The following VWA3A variants were observed in gnomAD, a reference collection of about 807,000 sequenced individuals.
The protein encoded by VWA3A is von Willebrand factor A domain containing 3A.
A neutral mutation model predicts 160.4 loss-of-function variants in VWA3A; 134 were observed. That is an observed-to-expected ratio of 0.84 (90% CI 0.73 to 0.96). The LOEUF (loss-of-function observed/expected upper bound fraction) is 0.96, where lower values mean the gene tolerates loss of function less well. VWA3A is among the 40% of genes least tolerant of loss of function. The pLI is 0.00. For synonymous variants in VWA3A, 476 were observed against 543.4 expected (o/e 0.88, Z 1.72); for missense variants, 1,310 against 1,447.9 (o/e 0.90, Z 1.55).
In VWA3A at chr16:22,150,875, T is replaced by C. The variant is rs777657479; in HGVS notation, c.3281+29T>C. 17 of 1,597,886 alleles carry C rather than the reference T, an allele frequency of 1.1e-5. No homozygotes were observed. In the Admixed American group the frequency reaches 2.2e-4, roughly 21 times the overall value. On this transcript the variant is annotated intron_variant, in intron 30 of 33. Coordinates refer to ENST00000389398, the MANE Select transcript of VWA3A (RefSeq NM_173615.5). ...CGCAATATGGAGTCTGACTGAGTTTTATTCTTTTTCCACAGCCACACATCT... is the reference window on the plus strand; with the variant it reads ...CGCAATATGGAGTCTGACTGAGTTTCATTCTTTTTCCACAGCCACACATCT...
At chr16:22,133,479 C>T (rs1228194054) in intron 20 of VWA3A, among the ~76,000 whole-genome samples, 1 of 151,782 alleles carries the variant, frequency 6.6e-6, no homozygotes, top group Non-Finnish European at 1.5e-5. Flanking sequence ...TGGTGAAACT[C>T]TATTAAAAAT....
chr16:22,093,257 C>T (rs1901401629), intron 1 of VWA3A, among the ~76,000 whole-genome samples: 1 of 151,992 alleles, frequency 6.6e-6, no homozygotes, highest in Non-Finnish European at 1.5e-5. Flanking sequence ...CGCGGGGGTT[C>T]AGACAGTAAA....
At position 22,146,130 on chromosome 16, in the gene VWA3A, T is replaced by C. The variant is rs576902765; in HGVS notation, c.2731-106T>C. 2.8e-5 allele frequency: 26 copies of C among 917,776 alleles called. 1 individual carries two copies. The South Asian group carries it at 4.0e-4, about 14-fold the overall frequency. 56.9% of individuals were successfully genotyped at this position (917,776 alleles called of 1,614,324 possible). A position where few individuals can be genotyped will look rare whatever the true frequency, so the allele number is the denominator to read the frequency against. ...AGCCACCGTGCCCAGCCAACAAATATTTTGAGAATTGTTAACCACAATGGA... is the reference window on the plus strand; with the variant it reads ...AGCCACCGTGCCCAGCCAACAAATACTTTGAGAATTGTTAACCACAATGGA... On this transcript the variant is annotated intron_variant, in intron 26 of 33. Coordinates refer to ENST00000389398, the MANE Select transcript of VWA3A (RefSeq NM_173615.5).
intron 12 of VWA3A, among the ~76,000 whole-genome samples, chr16:22,119,914 A>G (rs911535296): frequency 6.6e-6 from 1 of 151,770 alleles, no homozygotes; most frequent in African/African-American, 2.4e-5. Flanking sequence ...GCTACATGGG[A>G]GGCTGATTCA....
intron 29 of VWA3A, among the ~76,000 whole-genome samples, chr16:22,150,170 G>A (rs1342949231): frequency 6.6e-6 from 1 of 152,172 alleles, no homozygotes; most frequent in Non-Finnish European, 1.5e-5. Flanking sequence ...GGGAGGGCAA[G>A]GCAGGTGGAT....
rs888433859 is a variant in VWA3A, at chr16:22,147,599, T to C, written c.2840-563T>C. ...CAGTCCTCTGCAGTAGGACCTGGTA[T>C]AGACAGTCCATGGACAGGGGCGTCA... On this transcript the variant is annotated intron_variant, in intron 27 of 33. Coordinates refer to ENST00000389398, the MANE Select transcript of VWA3A (RefSeq NM_173615.5). 1.6e-5 allele frequency: 11 copies of C among 703,184 alleles called. No homozygotes were observed. The African/African-American group carries it at 1.6e-4, about 10-fold the overall frequency. The allele number at this position is 703,184 out of a possible 1,614,324, so 43.6% of individuals were successfully genotyped here. A position where few individuals can be genotyped will look rare whatever the true frequency, so the allele number is the denominator to read the frequency against.
intron 31 of VWA3A, 77 bp downstream of exon 31, chr16:22,152,711 C>G: frequency 6.5e-7 from 1 of 1,531,344 alleles, no homozygotes; most frequent in African/African-American, 1.4e-5. Flanking sequence ...GGTTTTCCTT[C>G]TTGAACTCCT....
At chr16:22,104,165 C>G (rs2141848462) in intron 6 of VWA3A, among the ~76,000 whole-genome samples, 1 of 152,280 alleles carries the variant, frequency 6.6e-6, no homozygotes, top group East Asian at 1.9e-4. Context: ...AAGACTAAGG[C>G]TGATCATCTG....
At chr16:22,101,157 C>T (rs2045403059) in intron 5 of VWA3A, among the ~76,000 whole-genome samples, 2 of 151,582 alleles carry the variant, frequency 1.3e-5, no homozygotes, top group Admixed American at 1.3e-4. Flanking sequence ...TTTGAGAGAC[C>T]AAGGTGGGAG....
intron 30 of VWA3A, 94 bp from the exon 31 acceptor site, chr16:22,152,417 C>G: frequency 1.3e-6 from 2 of 1,490,522 alleles, no homozygotes; most frequent in Non-Finnish European, 1.8e-6. Context: ...TTCTCTTAAG[C>G]CCCACGGACT....
At position 22,103,525 on chromosome 16, in the gene VWA3A, A is replaced by G; in HGVS notation, c.479A>G (p.Lys160Arg). ...ATTCAGTGGCTCACAGAAAACAGCA[A>G]GAAGGTAACGGGCATAGATTTCATT... The part of the protein sequence containing the change: ...ERIQWLTENS[K>R]KAFGLIKGAR... Residue 160 changes from lysine (K) to arginine (R), a missense_variant, in exon 6 of 34, where the codon AAG becomes AGG. Physicochemically the swap from Lys to Arg is conservative, Grantham distance 26 (BLOSUM62 2). Transcript: ENST00000389398. 1 of 1,551,880 alleles carries G rather than the reference A, an allele frequency of 6.4e-7. No homozygotes were observed. The highest frequency in any genetic ancestry group is 1.2e-5 in the South Asian group (1 of 84,052).
chr16:22,103,591 C>T (rs1159864058), intron 6 of VWA3A, 62 bp downstream of exon 6: 7 of 1,528,326 alleles, frequency 4.6e-6, no homozygotes, highest in Non-Finnish European at 6.2e-6. Context: ...TTTGTTAGAA[C>T]CCTTTCAGTT....
chr16:22,144,123 C>T, intron 25 of VWA3A, 124 bp from the exon 26 acceptor site: 1 of 1,216,388 alleles, frequency 8.2e-7, no homozygotes, highest in South Asian at 1.6e-5. Context: ...TCTGTGAGGA[C>T]CTGGGAATCC....
Position 22,155,651 on chromosome 16 carries a change from G to A in VWA3A, c.3490G>A (p.Ala1164Thr), listed in dbSNP as rs764971457. ...CAAGGCCAGAAGCTTCCTCTGGCAG[G>A]CCCAATCCTTCAGGTATGCCCTTCA... ...ITKARSFLWQAQSFRSQLQKK... is the reference protein window; with the variant it reads ...ITKARSFLWQTQSFRSQLQKK... The change falls in exon 32 of 34, where the codon GCC (alanine) becomes ACC (threonine). Residue 1164 changes from alanine to threonine, a missense_variant. Transcript: ENST00000389398. The A allele has an allele frequency of 1.9e-6, 3 of 1,613,738 alleles. No individual in the cohort carries two copies. Among genetic ancestry groups the A allele is most frequent in the Non-Finnish European group, 2.5e-6 (3 of 1,179,852 alleles).
At chr16:22,114,800 ATT>A (rs35095196) in intron 8 of VWA3A, among the ~76,000 whole-genome samples, 37 of 133,206 alleles carry the variant, frequency 2.8e-4, no homozygotes, top group South Asian at 4.9e-4. Context: ...CTATCTCTCT[ATT>A]TTTTTTTTTT....
chr16:22,110,951 G>C lies in VWA3A; in HGVS notation c.646G>C (p.Ala216Pro). Residue 216 changes from alanine to proline, a missense_variant, in exon 8 of 34, where the codon GCC becomes CCC. Transcript: ENST00000389398. ...GTTTGTCCTGTCCTTTGGCACCAAT[G>C]CCGGGTCCCTCTGGCCAGACCCCAT... Reference protein sequence around the residue: ...KLFVLSFGTNAGSLWPDPMEV... With the variant: ...KLFVLSFGTNPGSLWPDPMEV... 1 of 1,610,542 alleles carries C rather than the reference G, an allele frequency of 6.2e-7. No individual in the cohort carries two copies.
intron 20 of VWA3A, among the ~76,000 whole-genome samples, chr16:22,133,453 A>G (rs2045984287): frequency 6.6e-6 from 1 of 152,060 alleles, no homozygotes; most frequent in East Asian, 1.9e-4. Flanking sequence ...GGACTTTGAG[A>G]ACAGCCTGGC....
chr16:22,108,413 G>A (rs138403763), intron 6 of VWA3A, among the ~76,000 whole-genome samples: 30 of 152,316 alleles, frequency 2.0e-4, no homozygotes, highest in African/African-American at 7.2e-4. Flanking sequence ...GTTGGCCTTA[G>A]ATGCATTTTA....
chr16:22,149,957 T>C, intron 29 of VWA3A, 26 bp downstream of exon 29: 1 of 1,583,852 alleles, frequency 6.3e-7, no homozygotes, highest in African/African-American at 1.3e-5. Flanking sequence ...GAGCCCGACC[T>C]TGACGCAAAA....
Sources: allele counts gnomAD v4.1 joint callset (sites outside exome capture counted in the v4.1 genomes callset), GRCh38; gene constraint gnomAD v4.1.1; transcripts MANE v1.5; gene names NCBI Gene and HGNC (gene_info 2026-07-23, HGNC 2026-07-21).